The following LIPC variants were observed in gnomAD, a reference collection of about 807,000 sequenced individuals.
LIPC encodes the protein hepatic triacylglycerol lipase.
Under a neutral mutation model 50.7 loss-of-function variants are expected in LIPC, and 44 were observed. That is an observed-to-expected ratio of 0.87 (90% CI 0.68 to 1.11). The LOEUF is 1.11. LIPC is among the 50% of genes most tolerant of loss of function. The probability of loss-of-function intolerance (pLI) is 0.00; values close to 1 mark genes in which losing one functional copy is unlikely to be tolerated. For synonymous variants in LIPC, 271 were observed against 256.4 expected (o/e 1.06, Z -0.54); for missense variants, 697 against 648.2 (o/e 1.08, Z -0.82).
chr15:58,501,950 A>T (rs1891999090), intron 1 of LIPC, among the ~76,000 whole-genome samples: 1 of 152,062 alleles, frequency 6.6e-6, no homozygotes, highest in Non-Finnish European at 1.5e-5. Flanking sequence ...GATGTTAGGG[A>T]GTGGGAGTGA....
intron 1 of LIPC, among the ~76,000 whole-genome samples, chr15:58,492,220 T>C (rs1891611489): frequency 6.6e-6 from 1 of 152,126 alleles, no homozygotes. Flanking sequence ...CCTGCTTTGA[T>C]GTTTGTGAAT....
rs10684025 is a variant in LIPC at position 58,562,805 on chromosome 15, A to ACCC, written c.1170-693_1170-691dup. ...AGAGCTATGCCAAGCCACACAAGGG[A>ACCC]CCCCCCCCCAACCCCACCATCCATC... On this transcript the variant is annotated intron_variant, in intron 7 of 8. Transcript: ENST00000299022. Among the ~76,000 whole-genome samples the ACCC allele has an allele frequency of 2.5e-3, 360 of 141,440 alleles. 1 individual carries two copies. The highest frequency in any genetic ancestry group is 7.8e-3 in the East Asian group (35 of 4,506). The allele number at this position is 141,440 out of a possible 152,430, so 92.8% of individuals were successfully genotyped here. A position where few individuals can be genotyped will look rare whatever the true frequency, so the allele number is the denominator to read the frequency against.
intron 1 of LIPC, among the ~76,000 whole-genome samples, chr15:58,484,040 G>A (rs1891281674): frequency 6.6e-6 from 1 of 152,140 alleles, no homozygotes; most frequent in South Asian, 2.1e-4. Flanking sequence ...TCTACCAACA[G>A]TGTTCAGTCT....
intron 1 of LIPC, among the ~76,000 whole-genome samples, chr15:58,445,159 G>A (rs1191791700): frequency 3.3e-5 from 5 of 152,246 alleles, no homozygotes; most frequent in African/African-American, 1.2e-4. Flanking sequence ...TCAACAGAAT[G>A]ATTGGGACTT....
intron 1 of LIPC, among the ~76,000 whole-genome samples, chr15:58,455,687 T>C (rs543067608): frequency 6.6e-6 from 1 of 152,266 alleles, no homozygotes; most frequent in East Asian, 1.9e-4. Flanking sequence ...GAGACAAGGG[T>C]CCAACAAACA....
chr15:58,504,117 G>C (rs1303818617), intron 1 of LIPC, among the ~76,000 whole-genome samples: 2 of 152,158 alleles, frequency 1.3e-5, no homozygotes, highest in Admixed American at 6.5e-5. Flanking sequence ...CAACAGACCA[G>C]CCAGAGTGCA....
At chr15:58,461,568 C>A (rs574519900) in intron 1 of LIPC, among the ~76,000 whole-genome samples, 1 of 151,540 alleles carries the variant, frequency 6.6e-6, no homozygotes, top group Non-Finnish European at 1.5e-5. Context: ...ACCACCATGC[C>A]AGGCTAATTT....
At chr15:58,567,211 AAAAAT>A (rs1439133234) in intron 8 of LIPC, among the ~76,000 whole-genome samples, 10 of 142,360 alleles carry the variant, frequency 7.0e-5, no homozygotes, top group East Asian at 2.0e-4. Context: ...AAAAAAAATA[AAAAAT>A]ATATATATAT....
intron 6 of LIPC, among the ~76,000 whole-genome samples, chr15:58,553,703 T>TA (rs1893835581): frequency 6.6e-6 from 1 of 152,146 alleles, no homozygotes; most frequent in Non-Finnish European, 1.5e-5. Flanking sequence ...GCCACGAAAA[T>TA]ACCGACACAT....
intron 1 of LIPC, chr15:58,498,016 T>G (rs1891834557): frequency 6.6e-6 from 1 of 152,236 alleles, no homozygotes; most frequent in African/African-American, 2.4e-5. Context: ...GGCCAAAATA[T>G]GATCTTTACA....
chr15:58,564,057 C>T, intron 8 of LIPC: 1 of 399,228 alleles, frequency 2.5e-6, no homozygotes, highest in Non-Finnish European at 4.8e-6. Flanking sequence ...GTCAGTGCTG[C>T]CAGTCCAAGG....
intron 1 of LIPC, among the ~76,000 whole-genome samples, chr15:58,490,660 CACA>C (rs1891555015): frequency 6.6e-6 from 1 of 152,174 alleles, no homozygotes; most frequent in Non-Finnish European, 1.5e-5. Context: ...TAAATTAAAA[CACA>C]ACAATGAAAT....
At chr15:58,466,767 T>A (rs1226047150) in intron 1 of LIPC, among the ~76,000 whole-genome samples, 1 of 152,256 alleles carries the variant, frequency 6.6e-6, no homozygotes, top group Non-Finnish European at 1.5e-5. Flanking sequence ...CTCAGTCAGC[T>A]GAGCATTTTA....
Position 58,436,587 on chromosome 15 carries a change from T to C in LIPC, c.88+4467T>C, listed in dbSNP as rs7342659. On this transcript the variant is annotated intron_variant, in intron 1 of 8. Coordinates refer to ENST00000299022, the MANE Select transcript of LIPC (RefSeq NM_000236.3). Reference sequence around the variant, plus strand: ...ACATAAATATGACTGAAAATACTTTTGTCTTATAGAGCAGAGGGTCATTAA... The same window carrying C: ...ACATAAATATGACTGAAAATACTTTCGTCTTATAGAGCAGAGGGTCATTAA... 1.6e-3 allele frequency: 504 copies of C among 307,700 alleles called. 2 individuals carry two copies. The highest frequency in any genetic ancestry group is 0.01 in the African/African-American group (473 of 46,132). 19.1% of individuals were successfully genotyped at this position (307,700 alleles called of 1,614,324 possible).
intron 1 of LIPC, among the ~76,000 whole-genome samples, chr15:58,499,193 T>G (rs1891885686): frequency 6.6e-6 from 1 of 152,226 alleles, no homozygotes; most frequent in African/African-American, 2.4e-5. Flanking sequence ...GAGGCAGCTC[T>G]ATAAATTCCT....
chr15:58,510,861 A>T (rs1308228718), intron 1 of LIPC, among the ~76,000 whole-genome samples: 1 of 152,268 alleles, frequency 6.6e-6, no homozygotes, highest in Non-Finnish European at 1.5e-5. Flanking sequence ...TCTCAGCAAG[A>T]GTGACACATT....
At chr15:58,454,932 A>G (rs1200070334) in intron 1 of LIPC, 1 of 152,234 alleles carries the variant, frequency 6.6e-6, no homozygotes, top group African/African-American at 2.4e-5. Flanking sequence ...AATGAAACAA[A>G]TGTTTAAAAT....
intron 1 of LIPC, among the ~76,000 whole-genome samples, chr15:58,449,622 T>G (rs547533071): frequency 6.6e-6 from 1 of 152,208 alleles, no homozygotes; most frequent in Admixed American, 6.5e-5. Context: ...CGATCCTGGC[T>G]TACTGCAAAC....
chr15:58,547,192 G>A (rs529322285), intron 5 of LIPC, among the ~76,000 whole-genome samples: 212 of 152,226 alleles, frequency 1.4e-3, no homozygotes, highest in Non-Finnish European at 2.4e-3. Context: ...TTTCTCAGTC[G>A]TCTTCACCCC....
Sources: allele counts gnomAD v4.1 joint callset (sites outside exome capture counted in the v4.1 genomes callset), GRCh38; gene constraint gnomAD v4.1.1; transcripts MANE v1.5; gene names NCBI Gene and HGNC (gene_info 2026-07-23, HGNC 2026-07-21).